The following TRANK1 variants were observed in gnomAD, a reference collection of about 807,000 sequenced individuals.
The protein encoded by TRANK1 is tetratricopeptide repeat and ankyrin repeat containing 1.
TRANK1 carries 198 observed loss-of-function variants against 266.0 expected under a neutral mutation model. That is an observed-to-expected ratio of 0.74 (90% CI 0.66 to 0.84). TRANK1 has a LOEUF of 0.84. Among genes scored for constraint, TRANK1 ranks in the 40% least tolerant of loss-of-function variants. The probability of loss-of-function intolerance (pLI) is 0.00; values close to 1 mark genes in which losing one functional copy is unlikely to be tolerated. For synonymous variants in TRANK1, 1,396 were observed against 1,384.1 expected (o/e 1.01, Z -0.19); for missense variants, 3,326 against 3,634.6 (o/e 0.92, Z 2.18).
intron 1 of TRANK1, among the ~76,000 whole-genome samples, chr3:36,923,207 T>C (rs1047714248): frequency 6.6e-6 from 1 of 152,106 alleles, no homozygotes; most frequent in Non-Finnish European, 1.5e-5. Flanking sequence ...CATATTTTCC[T>C]ATTTTCTCTA....
rs57716531 is a variant in TRANK1 at position 36,918,510 on chromosome 3, A to G, written c.24-10056T>C. ...AAGAAAGAAAGAAAGAAAGAAAGAA[A>G]GAAAGAAAGAAAGAAAGAAAGAAGG... On this transcript the variant is annotated intron_variant, in intron 1 of 23. Coordinates refer to ENST00000645898, the MANE Select transcript of TRANK1 (RefSeq NM_001329998.2). Among the ~76,000 whole-genome samples the G allele has an allele frequency of 2.4e-3, 86 of 36,374 alleles. 1 individual carries two copies. Among genetic ancestry groups the G allele is most frequent in the African/African-American group, 7.5e-3 (62 of 8,250 alleles). The allele number at this position is 36,374 out of a possible 152,430, so 23.9% of individuals were successfully genotyped here.
Position 36,856,252 on chromosome 3 carries a change from T to G in TRANK1, c.3470A>C (p.Glu1157Ala), listed in dbSNP as rs2079051849. 6.2e-7 allele frequency: 1 copy of G among 1,611,464 alleles called. No individual in the cohort carries two copies. Among genetic ancestry groups the G allele is most frequent in the East Asian group, 2.2e-5 (1 of 44,790 alleles). Residue 1157 changes from glutamate to alanine, a missense_variant, in exon 13 of 24, where the codon GAG becomes GCG. Transcript: ENST00000645898. The part of the protein sequence containing the change: ...VETVESIDEQ[E>A]YEACAGGAGV... ...GGCTCCTCCTGCGCAGGCTTCATACTCCTGCTCATCTATGCTTTCTACTGT... is the reference window on the plus strand; with the variant it reads ...GGCTCCTCCTGCGCAGGCTTCATACGCCTGCTCATCTATGCTTTCTACTGT...
intron 20 of TRANK1, among the ~76,000 whole-genome samples, chr3:36,838,114 A>G (rs11129736): frequency 0.14 from 21,830 of 152,112 alleles, 2,326 homozygotes; most frequent in East Asian, 0.55. Context: ...CCCTGTGGTT[A>G]ATATTAGGCC....
chr3:36,891,982 G>A (rs1479371415), intron 7 of TRANK1, among the ~76,000 whole-genome samples: 1 of 152,244 alleles, frequency 6.6e-6, no homozygotes, highest in Non-Finnish European at 1.5e-5. Flanking sequence ...TAGAGTCACA[G>A]AATCCTTTCC....
Position 36,889,942 on chromosome 3 carries a change from C to A in TRANK1, c.794G>T (p.Arg265Leu). 1 of 1,537,032 alleles carries A rather than the reference C, an allele frequency of 6.5e-7. No individual in the cohort carries two copies. The highest frequency in any genetic ancestry group is 8.7e-7 in the Non-Finnish European group (1 of 1,146,840). The change falls in exon 8 of 24, where the codon CGG (arginine) becomes CTG (leucine). Residue 265 changes from arginine to leucine, a missense_variant. Coordinates refer to ENST00000645898, the MANE Select transcript of TRANK1 (RefSeq NM_001329998.2). ...CTCGGGCTTGTGATCCATTAACCAC[C>A]GGAAAAGATGGTTTTCTCCTGAAGG... ...CIQARENHLF[R>L]WLMDHKPEWK... is the part of the protein sequence containing the mutation.
rs186500236 is a variant in TRANK1, at chr3:36,895,867, T to C, written c.434-109A>G. 1.8e-4 allele frequency: 119 copies of C among 654,158 alleles called. 1 individual carries two copies. In the East Asian group the frequency reaches 3.0e-3, roughly 16 times the overall value. The allele number at this position is 654,158 out of a possible 1,614,324, so 40.5% of individuals were successfully genotyped here. ...ACATAGACAAATGGTAAATTAAAGA[T>C]ACCCTAAAGAAAGGCATTTTCAAAG... On this transcript the variant is annotated intron_variant, in intron 4 of 23. Coordinates refer to ENST00000645898, the MANE Select transcript of TRANK1 (RefSeq NM_001329998.2).
intron 15 of TRANK1, chr3:36,851,069 A>G (rs758743876): frequency 4.1e-6 from 4 of 985,518 alleles, no homozygotes; most frequent in Non-Finnish European, 4.8e-6. Flanking sequence ...ACCCATAATG[A>G]ACTAAGCTTG....
At chr3:36,879,758 AT>A in intron 8 of TRANK1, among the ~76,000 whole-genome samples, 2 of 75,858 alleles carry the variant, frequency 2.6e-5, no homozygotes, top group Non-Finnish European at 4.9e-5. Flanking sequence ...ATAAATATAT[AT>A]AAATATATAT....
At chr3:36,892,872 G>GATATATATAGATATATATATATATATAT in intron 6 of TRANK1, 29 bp downstream of exon 6, 1 of 597,694 alleles carries the variant, frequency 1.7e-6, no homozygotes, top group Non-Finnish European at 2.3e-6. Context: ...TATATATATA[G>GATATATATAGATATATATATATATATAT]ATATATATAG....
chr3:36,943,305 C>A (rs114481592), intron 1 of TRANK1, among the ~76,000 whole-genome samples: 1,622 of 151,890 alleles, frequency 0.011, 29 homozygotes, highest in African/African-American at 0.035. Context: ...TGTGTGTGTG[C>A]GTATATATGT....
intron 1 of TRANK1, among the ~76,000 whole-genome samples, chr3:36,929,892 G>GTTGTTGTTA (rs2080337873): frequency 6.6e-6 from 1 of 151,820 alleles, no homozygotes; most frequent in African/African-American, 2.4e-5. Context: ...GATTGTTGTT[G>GTTGTTGTTA]TTGTTGTTGT....
Position 36,834,772 on chromosome 3 carries a change from C to T in TRANK1, c.5653G>A (p.Ala1885Thr), listed in dbSNP as rs1381855696. The T allele has an allele frequency of 1.2e-6, 2 of 1,611,120 alleles. No individual in the cohort carries two copies. The highest frequency in any genetic ancestry group is 1.7e-6 in the Non-Finnish European group (2 of 1,179,108). Residue 1885 changes from alanine to threonine, a missense_variant, in exon 21 of 24, where the codon GCA (alanine) becomes ACA (threonine). Transcript: ENST00000645898. Reference sequence around the variant, plus strand: ...AATAAAACCACCTACTTTTCCACTGCAATAGCAGCTTCTTCAAAAAGCTCC... The same window carrying T: ...AATAAAACCACCTACTTTTCCACTGTAATAGCAGCTTCTTCAAAAAGCTCC... Reference protein sequence around the residue: ...QEELFEEAAIAVEKYEEMLKT... With the variant: ...QEELFEEAAITVEKYEEMLKT...
chr3:36,939,004 AC>A (rs2080461281), intron 1 of TRANK1, among the ~76,000 whole-genome samples: 1 of 151,546 alleles, frequency 6.6e-6, no homozygotes, highest in Admixed American at 6.6e-5. Flanking sequence ...GGGTGTTGTG[AC>A]ACATGCTGGT....
At chr3:36,918,611 GAAA>G (rs1285244097) in intron 1 of TRANK1, among the ~76,000 whole-genome samples, 10 of 135,670 alleles carry the variant, frequency 7.4e-5, no homozygotes, top group Admixed American at 1.5e-4. Context: ...AGGAAGGAAA[GAAA>G]GAAAGAAAGA....
At chr3:36,921,407 A>T (rs561976715) in intron 1 of TRANK1, among the ~76,000 whole-genome samples, 1 of 152,216 alleles carries the variant, frequency 6.6e-6, no homozygotes, top group South Asian at 2.1e-4. Flanking sequence ...TTTATGTTCC[A>T]GTGCTATTTC....
Position 36,828,462 on chromosome 3 carries a change from G to T in TRANK1, c.8810-87C>A, listed in dbSNP as rs1020191108. 4.4e-6 allele frequency: 4 copies of T among 915,354 alleles called. No individual in the cohort carries two copies. The Admixed American group carries it at 8.8e-5, about 20-fold the overall frequency. 56.7% of individuals were successfully genotyped at this position (915,354 alleles called of 1,614,324 possible). ...AGAAGGAAGGAAGGAAGGAAGGAAA[G>T]GAGGAAGGGAGGAAGGAAGAAAGGA... On this transcript the variant is annotated intron_variant, in intron 23 of 23. Transcript: ENST00000645898.
At chr3:36,903,076 C>G (rs1383092358) in intron 3 of TRANK1, 73 bp downstream of exon 3, 1 of 1,478,808 alleles carries the variant, frequency 6.8e-7, no homozygotes, top group Non-Finnish European at 9.0e-7. Flanking sequence ...TTTCTCTCAT[C>G]CTTTCATACC....
intron 1 of TRANK1, among the ~76,000 whole-genome samples, chr3:36,935,241 C>T (rs1255716505): frequency 6.6e-6 from 1 of 152,164 alleles, no homozygotes; most frequent in Non-Finnish European, 1.5e-5. Flanking sequence ...TGAGGGGCCA[C>T]AGTCACTGCT....
intron 9 of TRANK1, among the ~76,000 whole-genome samples, chr3:36,867,529 C>T (rs542547458): frequency 1.6e-4 from 25 of 152,312 alleles, no homozygotes; most frequent in Non-Finnish European, 2.9e-5. Context: ...AATGGTATCC[C>T]TTGGCAGGAG....
Sources: gnomAD v4.1 joint callset for allele counts (sites outside exome capture counted in the v4.1 genomes callset) on GRCh38, gnomAD v4.1.1 for gene constraint, MANE v1.5 for transcripts, NCBI Gene and HGNC (gene_info 2026-07-23, HGNC 2026-07-21) for gene names.